The following IL1RAPL1 variants were observed in gnomAD, a reference collection of about 807,000 sequenced individuals.
The protein encoded by IL1RAPL1 is interleukin-1 receptor accessory protein-like 1.
A neutral mutation model predicts 48.4 loss-of-function variants in IL1RAPL1; 3 were observed. The ratio of observed to expected loss-of-function variants is 0.06; its 90% CI spans 0.03 to 0.16. The LOEUF (loss-of-function observed/expected upper bound fraction) is 0.16. IL1RAPL1 is among the 10% of genes least tolerant of loss of function. The probability of loss-of-function intolerance (pLI) is 1.00; values close to 1 mark genes in which losing one functional copy is unlikely to be tolerated. For missense variants in IL1RAPL1, 349 were observed against 530.6 expected, an observed-to-expected ratio of 0.66 and a Z score of 3.36; for synonymous variants, 185 against 187.7, an observed-to-expected ratio of 0.99 and a Z score of 0.12.
chrX:28,645,900 CTCT>C (rs1340905532), intron 1 of IL1RAPL1, among the ~76,000 whole-genome samples: 9 of 111,843 alleles, frequency 8.0e-5, no homozygotes, highest in Non-Finnish European at 1.7e-4. Flanking sequence ...TTAACCATAC[CTCT>C]TCGTAAAGGT....
At chrX:29,657,272 A>G (rs191729801) in intron 5 of IL1RAPL1, among the ~76,000 whole-genome samples, 74 of 111,978 alleles carry the variant, frequency 6.6e-4, no homozygotes, top group African/African-American at 2.1e-3. Flanking sequence ...ATCTAGGGCC[A>G]GATAATTCTT....
intron 1 of IL1RAPL1, among the ~76,000 whole-genome samples, chrX:28,654,518 CATAGAT>C (rs1417355706): frequency 9.0e-6 from 1 of 111,602 alleles, no homozygotes; most frequent in African/African-American, 3.3e-5. Flanking sequence ...AATTGTAACT[CATAGAT>C]AATAATACAG....
In IL1RAPL1 at chrX:29,090,425, C is replaced by T. The variant is rs929143907; in HGVS notation, c.83-192513C>T. ...TCTAAAGCTCAAACTGAGAGGAAAA[C>T]TTTTACATTTAATTAATGAGAATTC... On this transcript the variant is annotated intron_variant, in intron 2 of 10. Transcript: ENST00000378993. 2.7e-5 allele frequency among the ~76,000 whole-genome samples: 3 copies of T among 111,774 alleles called. No individual in the cohort carries two copies. In the Admixed American group the frequency reaches 2.9e-4, roughly 11 times the overall value.
At chrX:29,418,128 T>TG (rs2147703180) in intron 5 of IL1RAPL1, among the ~76,000 whole-genome samples, 1 of 75,221 alleles carries the variant, frequency 1.3e-5, no homozygotes, top group East Asian at 3.9e-4. Context: ...TATATATATT[T>TG]TTTTTTTTTT....
chrX:29,410,583 A>C (rs1289967076), intron 5 of IL1RAPL1, among the ~76,000 whole-genome samples: 1 of 112,075 alleles, frequency 8.9e-6, no homozygotes, highest in Non-Finnish European at 1.9e-5. Context: ...AATTTAATAA[A>C]AGATGAACAT....
intron 2 of IL1RAPL1, among the ~76,000 whole-genome samples, chrX:29,015,717 C>T (rs755690240): frequency 1.8e-5 from 2 of 110,201 alleles, no homozygotes; most frequent in African/African-American, 3.3e-5. Flanking sequence ...GTAACTCAAG[C>T]CAAGTGAATC....
intron 1 of IL1RAPL1, among the ~76,000 whole-genome samples, chrX:28,603,425 G>C (rs1934049275): frequency 8.9e-6 from 1 of 112,012 alleles, no homozygotes; most frequent in South Asian, 3.7e-4. Context: ...GTTTCTGAAT[G>C]CTAAGAGTAT....
At chrX:28,688,869 C>T in intron 1 of IL1RAPL1, among the ~76,000 whole-genome samples, 1 of 111,098 alleles carries the variant, frequency 9.0e-6, no homozygotes, top group South Asian at 3.8e-4. Flanking sequence ...TTTTCAGAGG[C>T]AGTATCTCCA....
chrX:29,304,079 C>T (rs1196005996), intron 3 of IL1RAPL1, among the ~76,000 whole-genome samples: 4 of 111,646 alleles, frequency 3.6e-5, no homozygotes, highest in Non-Finnish European at 7.5e-5. Context: ...TGAGAAAATC[C>T]TCAGGTCGCT....
intron 5 of IL1RAPL1, among the ~76,000 whole-genome samples, chrX:29,518,701 A>G (rs1489048854): frequency 2.7e-5 from 3 of 111,369 alleles, no homozygotes; most frequent in African/African-American, 9.8e-5. Flanking sequence ...AGACAGTGGG[A>G]ATAAAGTAGA....
rs188312966 is a variant in IL1RAPL1 at position 29,303,371 on chromosome X, G to C, written c.362+20154G>C. Among the ~76,000 whole-genome samples the C allele has an allele frequency of 4.1e-3, 458 of 111,835 alleles. 5 individuals carry two copies. Among genetic ancestry groups the C allele is most frequent in the Non-Finnish European group, 7.1e-3 (377 of 53,177 alleles). On this transcript the variant is annotated intron_variant, in intron 3 of 10. Coordinates refer to ENST00000378993, the MANE Select transcript of IL1RAPL1 (RefSeq NM_014271.4). The stretch of plus-strand genomic sequence containing the variant: ...ATGAATGATGACTTTCCAGAGAGTA[G>C]ACAGATGTTGATGATGTAAAATGTG...
At chrX:29,504,170 G>A (rs1228195142) in intron 5 of IL1RAPL1, among the ~76,000 whole-genome samples, 2 of 110,425 alleles carry the variant, frequency 1.8e-5, no homozygotes, top group African/African-American at 6.6e-5. Context: ...TTGATTTCTA[G>A]TTTTATTCCA....
intron 2 of IL1RAPL1, among the ~76,000 whole-genome samples, chrX:29,180,921 T>C (rs181972047): frequency 8.9e-6 from 1 of 112,128 alleles, no homozygotes; most frequent in East Asian, 2.8e-4. Flanking sequence ...ATATATCAAA[T>C]TGTTTCTGTG....
intron 6 of IL1RAPL1, among the ~76,000 whole-genome samples, chrX:29,837,320 CAT>C (rs1268488958): frequency 1.3e-5 from 1 of 77,179 alleles, no homozygotes; most frequent in Non-Finnish European, 2.5e-5. Flanking sequence ...CACACACACA[CAT>C]ATATAGACGG....
At chrX:29,234,944 T>G (rs1016306619) in intron 2 of IL1RAPL1, among the ~76,000 whole-genome samples, 2 of 112,346 alleles carry the variant, frequency 1.8e-5, no homozygotes, top group Non-Finnish European at 3.8e-5. Context: ...CTATATACCT[T>G]TCCTTCCTGT....
chrX:29,279,707 T>C (rs866601530), intron 2 of IL1RAPL1, among the ~76,000 whole-genome samples: 4 of 111,664 alleles, frequency 3.6e-5, no homozygotes, highest in South Asian at 3.7e-4. Flanking sequence ...TTGAACTGTA[T>C]GAAACTTTTT....
intron 2 of IL1RAPL1, among the ~76,000 whole-genome samples, chrX:28,976,439 G>C (rs1268923420): frequency 1.8e-5 from 2 of 111,772 alleles, no homozygotes; most frequent in African/African-American, 6.5e-5. Context: ...CAAGATTTTT[G>C]TTTTAAGCTT....
At chrX:29,082,316 A>G (rs749645358) in intron 2 of IL1RAPL1, among the ~76,000 whole-genome samples, 1 of 112,385 alleles carries the variant, frequency 8.9e-6, no homozygotes, top group African/African-American at 3.2e-5. Context: ...GCTAGTCATA[A>G]TGTTCCCATT....
intron 2 of IL1RAPL1, among the ~76,000 whole-genome samples, chrX:29,054,103 C>T (rs1392267485): frequency 9.0e-6 from 1 of 111,016 alleles, no homozygotes; most frequent in East Asian, 2.8e-4. Context: ...TGTCTCTCTC[C>T]ATCTCCCTTA....
Sources: allele counts gnomAD v4.1 joint callset (sites outside exome capture counted in the v4.1 genomes callset), GRCh38; gene constraint gnomAD v4.1.1; transcripts MANE v1.5; gene names NCBI Gene and HGNC (gene_info 2026-07-23, HGNC 2026-07-21).